HMGA2: variants seen among roughly 807,000 people sequenced by gnomAD.
HMGA2 encodes the protein high mobility group protein HMGI-C.
HMGA2 carries 8 observed loss-of-function variants against 19.1 expected under a neutral mutation model. That is an observed-to-expected ratio of 0.42 (90% CI 0.25 to 0.76). The LOEUF is 0.76. HMGA2 is among the 30% of genes least tolerant of loss of function. The probability of loss-of-function intolerance (pLI) is 0.28; values close to 1 mark genes in which losing one functional copy is unlikely to be tolerated. For synonymous variants in HMGA2, 60 were observed against 48.8 expected (o/e 1.23, Z -0.96); for missense variants, 109 against 136.3 (o/e 0.80, Z 1.00).
intron 3 of HMGA2, among the ~76,000 whole-genome samples, chr12:65,910,975 A>G (rs1874820825): frequency 6.6e-6 from 1 of 152,122 alleles, no homozygotes; most frequent in African/African-American, 2.4e-5. Context: ...CTTCCACCCC[A>G]TTCTCTATTC....
rs530831236 is a variant in HMGA2, at chr12:65,860,090, T to TGAAAA, written c.249+21539_249+21543dup. The TGAAAA allele has an allele frequency of 4.2e-4, 185 of 437,808 alleles. 1 individual carries two copies. In the East Asian group the frequency reaches 7.5e-3, roughly 18 times the overall value. The allele number at this position is 437,808 out of a possible 1,614,324, so 27.1% of individuals were successfully genotyped here. A position where few individuals can be genotyped will look rare whatever the true frequency, so the allele number is the denominator to read the frequency against. On this transcript the variant is annotated intron_variant, in intron 3 of 4. Coordinates refer to ENST00000403681, the MANE Select transcript of HMGA2 (RefSeq NM_003483.6). ...CTGGGCAACAGAGCAAGACTCTGTC[T>TGAAAA]GAAAAGAAAAGAAAAGAAAAGAGAA...
At position 65,825,038 on chromosome 12, in the gene HMGA2, T is replaced by A; in HGVS notation, c.-233T>A. The A allele has an allele frequency of 2.3e-6, 1 of 437,082 alleles. No homozygotes were observed. Among genetic ancestry groups the A allele is most frequent in the Middle Eastern group, 5.9e-4 (1 of 1,694 alleles). The allele number at this position is 437,082 out of a possible 1,614,324, so 27.1% of individuals were successfully genotyped here. A position where few individuals can be genotyped will look rare whatever the true frequency, so the allele number is the denominator to read the frequency against. The stretch of plus-strand genomic sequence containing the variant: ...CGCCGCCGCCGCCACCGGCAGCGCC[T>A]CCTCCTCTCCTCCTCCTCCTCCCCT... On this transcript the variant is annotated 5_prime_UTR_variant, in exon 1 of 5. Coordinates refer to ENST00000403681, the MANE Select transcript of HMGA2 (RefSeq NM_003483.6). This position sits in a 1 kb window ranked among gnomAD's most constrained non-coding sequence, Gnocchi z 4.4.
rs1360011291 is a variant in HMGA2 at position 65,870,329 on chromosome 12, A to G, written c.249+31760A>G. 5.9e-5 allele frequency among the ~76,000 whole-genome samples: 9 copies of G among 152,340 alleles called. No individual in the cohort carries two copies. In the East Asian group the frequency reaches 1.3e-3, roughly 23 times the overall value. On this transcript the variant is annotated intron_variant, in intron 3 of 4. Transcript: ENST00000403681. ...ATATTTTTGCCAAAATGTAAATAGTAAAAAACAATATGTGAAGCCTTTATT... is the reference window on the plus strand; with the variant it reads ...ATATTTTTGCCAAAATGTAAATAGTGAAAAACAATATGTGAAGCCTTTATT...
chr12:65,953,022 T>A (rs560556936), intron 4 of HMGA2: 1 of 152,200 alleles, frequency 6.6e-6, no homozygotes, highest in Admixed American at 6.5e-5. Flanking sequence ...AGTAGGTAGC[T>A]TGAAATCCAC....
chr12:65,849,774 A>G (rs1871381820), intron 3 of HMGA2, among the ~76,000 whole-genome samples: 1 of 121,416 alleles, frequency 8.2e-6, no homozygotes. Flanking sequence ...GCTGGAGTGC[A>G]ATGGCGCGAT....
chr12:65,865,218 G>A (rs1210851628), intron 3 of HMGA2, among the ~76,000 whole-genome samples: 1 of 152,138 alleles, frequency 6.6e-6, no homozygotes, highest in Admixed American at 6.5e-5. Context: ...TTATCAGTAA[G>A]GCTTGCAGTC....
Position 65,952,023 on chromosome 12 carries a change from T to C in HMGA2, c.282+608T>C, listed in dbSNP as rs557526818. The C allele has an allele frequency of 7.1e-5, 14 of 196,020 alleles. No individual in the cohort carries two copies. In the East Asian group the frequency reaches 1.8e-3, roughly 26 times the overall value. 12.1% of individuals were successfully genotyped at this position (196,020 alleles called of 1,614,324 possible). On this transcript the variant is annotated intron_variant, in intron 4 of 4. Transcript: ENST00000403681. ...TGCCCCATATTCCTGGAGCACCTTG[T>C]CCTCACTATAATCTGTACATAGAAA...
intron 3 of HMGA2, among the ~76,000 whole-genome samples, chr12:65,920,333 G>A (rs1437274982): frequency 6.6e-6 from 1 of 152,000 alleles, no homozygotes; most frequent in Non-Finnish European, 1.5e-5. Context: ...TGAATCTGGG[G>A]GCTTGCCAAG....
At chr12:65,834,303 T>G (rs1390602788) in intron 2 of HMGA2, among the ~76,000 whole-genome samples, 1 of 152,200 alleles carries the variant, frequency 6.6e-6, no homozygotes, top group Non-Finnish European at 1.5e-5. Flanking sequence ...AATGTATGCC[T>G]TCTGCGACTG....
intron 3 of HMGA2, among the ~76,000 whole-genome samples, chr12:65,950,146 G>T (rs1441775957): frequency 6.6e-6 from 1 of 152,176 alleles, no homozygotes; most frequent in Admixed American, 6.5e-5. Context: ...AAAGCTGTCT[G>T]GCAGCTCCTC....
rs1305303102 is a variant in HMGA2 at position 65,857,480 on chromosome 12, C to G, written c.249+18911C>G. 3.9e-5 allele frequency: 6 copies of G among 152,218 alleles called. No individual in the cohort carries two copies. The East Asian group carries it at 1.2e-3, about 29-fold the overall frequency. 9.4% of individuals were successfully genotyped at this position (152,218 alleles called of 1,614,324 possible). A position where few individuals can be genotyped will look rare whatever the true frequency, so the allele number is the denominator to read the frequency against. On this transcript the variant is annotated intron_variant, in intron 3 of 4. Transcript: ENST00000403681. ...TAAAGTCTAGAATAAAATGTTTGCT[C>G]TATAATATTTAATGGTGTGTATTCA...
chr12:65,838,440 C>A, intron 2 of HMGA2, 79 bp from the exon 3 acceptor site: 2 of 1,058,720 alleles, frequency 1.9e-6, no homozygotes, highest in Non-Finnish European at 2.9e-6. Context: ...AACATTCTTA[C>A]TTCAAATGTG....
At chr12:65,859,076 G>C (rs1404066970) in intron 3 of HMGA2, 1 of 152,208 alleles carries the variant, frequency 6.6e-6, no homozygotes, top group Non-Finnish European at 1.5e-5. Context: ...AGCCAGACTT[G>C]GTGAGGGACT....
intron 2 of HMGA2, among the ~76,000 whole-genome samples, chr12:65,836,509 G>A (rs939583140): frequency 1.3e-5 from 2 of 152,108 alleles, no homozygotes; most frequent in African/African-American, 2.4e-5. Flanking sequence ...TCCATTGCAC[G>A]GATGAAACCA....
At chr12:65,943,494 G>A (rs747345755) in intron 3 of HMGA2, among the ~76,000 whole-genome samples, 1 of 152,180 alleles carries the variant, frequency 6.6e-6, no homozygotes, top group Non-Finnish European at 1.5e-5. Context: ...TCCTTGAGCA[G>A]ATGAAACAAG....
At chr12:65,839,553 T>C (rs945818641) in intron 3 of HMGA2, among the ~76,000 whole-genome samples, 2 of 152,196 alleles carry the variant, frequency 1.3e-5, no homozygotes, top group South Asian at 2.1e-4. Flanking sequence ...TCACTTTCTA[T>C]TTATACTTTG....
chr12:65,856,132 A>G (rs1871729894), intron 3 of HMGA2: 1 of 152,162 alleles, frequency 6.6e-6, no homozygotes, highest in Non-Finnish European at 1.5e-5. Flanking sequence ...TTTGGGCCTT[A>G]CTCAACCAAA....
At chr12:65,853,942 A>G (rs1039665796) in intron 3 of HMGA2, among the ~76,000 whole-genome samples, 5 of 152,250 alleles carry the variant, frequency 3.3e-5, no homozygotes, top group Non-Finnish European at 7.3e-5. Context: ...TCTAGGAGAG[A>G]TGATCGCACT....
intron 2 of HMGA2, among the ~76,000 whole-genome samples, chr12:65,838,157 A>C (rs1266867858): frequency 6.6e-6 from 1 of 152,188 alleles, no homozygotes. Flanking sequence ...ATTTTCTAAA[A>C]TACTAACTTA....
Sources: gnomAD v4.1 joint callset for allele counts (sites outside exome capture counted in the v4.1 genomes callset) on GRCh38, gnomAD v4.1.1 for gene constraint, Gnocchi (gnomAD v3.1) non-coding constraint, MANE v1.5 for transcripts, NCBI Gene and HGNC (gene_info 2026-07-23, HGNC 2026-07-21) for gene names.